The following SH3KBP1 variants were observed in gnomAD, a reference collection of about 807,000 sequenced individuals.
The protein encoded by SH3KBP1 is SH3 domain-containing kinase-binding protein 1.
A neutral mutation model predicts 50.1 loss-of-function variants in SH3KBP1; 8 were observed. That is an observed-to-expected ratio of 0.16 (90% CI 0.09 to 0.29). The LOEUF (loss-of-function observed/expected upper bound fraction) is 0.29. Ranked by LOEUF, SH3KBP1 falls within the 10% of genes least tolerant of loss-of-function variation. The pLI, the probability that SH3KBP1 is intolerant of heterozygous loss-of-function variation, is 1.00. For missense variants in SH3KBP1, 377 were observed against 535.2 expected (o/e 0.70, Z 2.92); for synonymous variants, 227 against 218.6 (o/e 1.04, Z -0.34).
At chrX:19,723,142 CAAAAA>C (rs61434855) in intron 3 of SH3KBP1, among the ~76,000 whole-genome samples, 1 of 31,128 alleles carries the variant, frequency 3.2e-5, no homozygotes, top group African/African-American at 8.5e-5. Context: ...GACTCCGTCT[CAAAAA>C]AAAAAAAAAA....
intron 5 of SH3KBP1, chrX:19,695,185 T>C: frequency 2.0e-6 from 1 of 497,442 alleles, no homozygotes; most frequent in Non-Finnish European, 3.4e-6. Flanking sequence ...CATCTTGTCA[T>C]AGCACTTCAC....
At chrX:19,804,085 T>G (rs2066961675) in intron 2 of SH3KBP1, among the ~76,000 whole-genome samples, 2 of 111,443 alleles carry the variant, frequency 1.8e-5, no homozygotes, top group Non-Finnish European at 3.8e-5. Context: ...GGCAGGAGAA[T>G]CAGTTGAACT....
At chrX:19,804,644 T>G (rs1603254430) in intron 2 of SH3KBP1, among the ~76,000 whole-genome samples, 1 of 110,591 alleles carries the variant, frequency 9.0e-6, no homozygotes, top group East Asian at 2.8e-4. Flanking sequence ...ATAGCTTTTT[T>G]TTTTTTCCCC....
At chrX:19,760,303 C>T (rs2065376489) in intron 2 of SH3KBP1, among the ~76,000 whole-genome samples, 1 of 109,637 alleles carries the variant, frequency 9.1e-6, no homozygotes, top group African/African-American at 3.3e-5. Flanking sequence ...AGAAGAATGG[C>T]ATGAACACGG....
At chrX:19,612,430 A>AT (rs1302713388) in intron 8 of SH3KBP1, among the ~76,000 whole-genome samples, 3 of 110,486 alleles carry the variant, frequency 2.7e-5, no homozygotes, top group South Asian at 7.8e-4. Flanking sequence ...CGCCTGGTTA[A>AT]TTTTTTTGTA....
At chrX:19,657,454 G>C (rs1246774070) in intron 6 of SH3KBP1, among the ~76,000 whole-genome samples, 1 of 109,251 alleles carries the variant, frequency 9.2e-6, no homozygotes, top group Non-Finnish European at 1.9e-5. Context: ...AATTGGCCGG[G>C]CATGGTGGCT....
chrX:19,599,184 C>T (rs1331308356), intron 9 of SH3KBP1, among the ~76,000 whole-genome samples: 2 of 111,541 alleles, frequency 1.8e-5, no homozygotes, highest in African/African-American at 6.5e-5. Flanking sequence ...ACATGAGCCT[C>T]CTTTCGCTGA....
At chrX:19,586,350 C>T (rs761628432) in intron 12 of SH3KBP1, among the ~76,000 whole-genome samples, 160 of 112,446 alleles carry the variant, frequency 1.4e-3, no homozygotes, top group Non-Finnish European at 2.7e-3. Context: ...ATAGAGCTAA[C>T]GGAAATGTTT....
intron 3 of SH3KBP1, among the ~76,000 whole-genome samples, chrX:19,734,586 A>G (rs72616086): frequency 0.17 from 19,044 of 111,084 alleles, 1,274 homozygotes; most frequent in African/African-American, 0.21. Flanking sequence ...AATTAAATGG[A>G]TTTATGTATC....
At chrX:19,746,713 A>C (rs184292308) in intron 2 of SH3KBP1, among the ~76,000 whole-genome samples, 2 of 112,018 alleles carry the variant, frequency 1.8e-5, no homozygotes, top group East Asian at 5.6e-4. Context: ...AGAATGAGTG[A>C]AACATAAAAG....
intron 1 of SH3KBP1, among the ~76,000 whole-genome samples, chrX:19,837,048 T>C (rs2068079512): frequency 8.9e-6 from 1 of 112,246 alleles, no homozygotes; most frequent in Middle Eastern, 4.6e-3. Flanking sequence ...CTCTTTCCTT[T>C]ATAAATTACC....
chrX:19,709,169 C>T (rs1031950345), intron 3 of SH3KBP1, among the ~76,000 whole-genome samples: 1 of 111,980 alleles, frequency 8.9e-6, no homozygotes, highest in Non-Finnish European at 1.9e-5. Context: ...ATGATGTCTT[C>T]GCTACTTTCT....
At chrX:19,585,068 T>C (rs2066520099) in intron 12 of SH3KBP1, among the ~76,000 whole-genome samples, 1 of 112,406 alleles carries the variant, frequency 8.9e-6, no homozygotes, top group African/African-American at 3.2e-5. Flanking sequence ...ACAGGTTGGT[T>C]GTTCAATGTA....
At chrX:19,862,256 A>G (rs190311208) in intron 1 of SH3KBP1, among the ~76,000 whole-genome samples, 2 of 112,014 alleles carry the variant, frequency 1.8e-5, no homozygotes, top group Non-Finnish European at 1.9e-5. Flanking sequence ...ACCAATTGAG[A>G]TGTCTGTGGT....
intron 8 of SH3KBP1, among the ~76,000 whole-genome samples, chrX:19,625,662 A>G (rs1410435223): frequency 8.9e-6 from 1 of 112,099 alleles, no homozygotes; most frequent in African/African-American, 3.2e-5. Flanking sequence ...GGGTGATGGC[A>G]TGGTAATACT....
At chrX:19,756,984 C>T (rs769577503) in intron 2 of SH3KBP1, among the ~76,000 whole-genome samples, 1 of 110,554 alleles carries the variant, frequency 9.0e-6, no homozygotes, top group African/African-American at 3.3e-5. Flanking sequence ...GAGGCTGCCT[C>T]CAGGGAGGGG....
At chrX:19,668,986 A>G in intron 6 of SH3KBP1, among the ~76,000 whole-genome samples, 1 of 76,500 alleles carries the variant, frequency 1.3e-5, no homozygotes, top group Admixed American at 1.5e-4. Flanking sequence ...TTTTTGAGAC[A>G]GGCTGTCACT....
In SH3KBP1 at chrX:19,869,601, C is replaced by G. The variant is rs371660302; in HGVS notation, c.4+17706G>C. 3.6e-5 allele frequency among the ~76,000 whole-genome samples: 4 copies of G among 112,601 alleles called. No individual in the cohort carries two copies. The East Asian group carries it at 1.1e-3, about 31-fold the overall frequency. On this transcript the variant is annotated intron_variant, in intron 1 of 17. Coordinates refer to ENST00000397821, the MANE Select transcript of SH3KBP1 (RefSeq NM_031892.3). ...AGGAGGCAGTAGCCTGAGAAGGAAA[C>G]AGCTATGCTGTCTTGGGGTCTCTGT... is the stretch of plus-strand genomic sequence containing the variant.
intron 10 of SH3KBP1, 90 bp downstream of exon 10, chrX:19,594,859 A>AT (rs2066850388): frequency 1.4e-6 from 1 of 698,605 alleles, no homozygotes; most frequent in Non-Finnish European, 2.3e-6. Context: ...CACTTGAACC[A>AT]GGAATCCCGA....
Sources: allele counts gnomAD v4.1 joint callset (sites outside exome capture counted in the v4.1 genomes callset), GRCh38; gene constraint gnomAD v4.1.1; transcripts MANE v1.5; gene names NCBI Gene and HGNC (gene_info 2026-07-23, HGNC 2026-07-21).